Variants in PROM1 observed in about 807,000 individuals in gnomAD.
PROM1 encodes the protein prominin-1.
PROM1 carries 105 observed loss-of-function variants against 116.9 expected under a neutral mutation model. The ratio of observed to expected loss-of-function variants is 0.90; its 90% CI spans 0.77 to 1.06. PROM1 has a LOEUF of 1.06. Among genes scored for constraint, PROM1 ranks in the 50% least tolerant of loss-of-function variants. The pLI, the probability that PROM1 is intolerant of heterozygous loss-of-function variation, is 0.00. For synonymous variants in PROM1, 393 were observed against 387.0 expected, an observed-to-expected ratio of 1.02 and a Z score of -0.18; for missense variants, 1,122 against 1,045.2, an observed-to-expected ratio of 1.07 and a Z score of -1.01.
intron 11 of PROM1, among the ~76,000 whole-genome samples, chr4:16,009,418 G>A (rs1328987281): frequency 6.6e-6 from 1 of 152,158 alleles, no homozygotes; most frequent in Non-Finnish European, 1.5e-5. Flanking sequence ...CAGACTACGT[G>A]CCAGGCACTT....
chr4:16,066,096 C>G (rs1741466523), intron 2 of PROM1, among the ~76,000 whole-genome samples: 1 of 152,120 alleles, frequency 6.6e-6, no homozygotes, highest in South Asian at 2.1e-4. Context: ...GGAGCGTGGC[C>G]CTGCCCACAC....
In PROM1 at chr4:16,024,315, T is replaced by C. The variant is rs779174481; in HGVS notation, c.674A>G (p.Lys225Arg). The part of the protein sequence containing the change: ...ILAQYNTTKD[K>R]AFTDLNSINS... ...CTCACTGTTCAGATCTGTGAACGCC[T>C]TGTCCTTGGTAGTGTTGTACTGGGC... The change falls in exon 7 of 28, where the codon AAG (lysine) becomes AGG (arginine). Residue 225 changes from lysine (K) to arginine (R), a missense_variant. By Grantham distance (26) the Lys-to-Arg change is conservative (BLOSUM62 2). Coordinates refer to ENST00000447510, the MANE Select transcript of PROM1 (RefSeq NM_006017.3). The C allele has an allele frequency of 1.4e-5, 23 of 1,613,560 alleles. No homozygotes were observed. In the South Asian group the frequency reaches 2.5e-4, roughly 18 times the overall value.
intron 2 of PROM1, among the ~76,000 whole-genome samples, chr4:16,055,028 A>T (rs1157601100): frequency 1.3e-5 from 2 of 152,188 alleles, no homozygotes; most frequent in Non-Finnish European, 2.9e-5. Flanking sequence ...ACTCTGCTAG[A>T]GAGACTGTTC....
chr4:16,073,579 A>G lies in PROM1; in HGVS notation c.220+2108T>C, dbSNP rs180704280. ...AGATTCATCTGTTAAACTCAATATT[A>G]TATTACTTAAGCAACCTAATAATTT... On this transcript the variant is annotated intron_variant, in intron 2 of 27. Transcript: ENST00000447510. 1.0e-3 allele frequency among the ~76,000 whole-genome samples: 158 copies of G among 152,320 alleles called. 2 individuals are homozygous for G. The highest frequency in any genetic ancestry group is 1.9e-3 in the Non-Finnish European group (126 of 68,016).
chr4:16,027,297 AACACACACACAC>A (rs144910885), intron 5 of PROM1, among the ~76,000 whole-genome samples: 1 of 147,128 alleles, frequency 6.8e-6, no homozygotes, highest in East Asian at 2.0e-4. Context: ...GTGAAGAAGA[AACACACACACAC>A]ACACACACAC....
At position 15,985,997 on chromosome 4, in the gene PROM1, T is replaced by C; in HGVS notation, c.2171A>G (p.Gln724Arg). Reference protein sequence around the residue: ...TRILASLDFAQNFITNNTSSV... With the variant: ...TRILASLDFARNFITNNTSSV... ...GGAAGTATTGTTTGTGATGAAGTTCTGAGCAAAATCCAGAGAAGCTAGAAT... is the reference window on the plus strand; with the variant it reads ...GGAAGTATTGTTTGTGATGAAGTTCCGAGCAAAATCCAGAGAAGCTAGAAT... Residue 724 changes from glutamine (Q) to arginine (R), a missense_variant, in exon 21 of 28, where the codon CAG (glutamine) becomes CGG (arginine). Coordinates refer to ENST00000447510, the MANE Select transcript of PROM1 (RefSeq NM_006017.3). 6.7e-7 allele frequency: 1 copy of C among 1,482,484 alleles called. No homozygotes were observed. The allele number at this position is 1,482,484 out of a possible 1,614,324, so 91.8% of individuals were successfully genotyped here. A position where few individuals can be genotyped will look rare whatever the true frequency, so the allele number is the denominator to read the frequency against.
chr4:16,023,542 T>C (rs2149332900), intron 7 of PROM1, 127 bp from the exon 8 acceptor site: 2 of 691,490 alleles, frequency 2.9e-6, no homozygotes, highest in Non-Finnish European at 4.9e-6. Context: ...GGACCCTGTC[T>C]AGGGGTTAAA....
At chr4:16,079,123 A>T (rs1744528963) in intron 1 of PROM1, among the ~76,000 whole-genome samples, 2 of 152,124 alleles carry the variant, frequency 1.3e-5, no homozygotes. Flanking sequence ...GCAGAGAGCT[A>T]AGCCTCCAGC....
At chr4:16,044,849 G>A (rs974583661) in intron 2 of PROM1, among the ~76,000 whole-genome samples, 5 of 152,034 alleles carry the variant, frequency 3.3e-5, no homozygotes, top group African/African-American at 1.2e-4. Flanking sequence ...GGGGAAGTAG[G>A]CAAACCAAGT....
At chr4:15,977,859 A>C (rs112349266) in intron 26 of PROM1, among the ~76,000 whole-genome samples, 1 of 152,194 alleles carries the variant, frequency 6.6e-6, no homozygotes, top group Admixed American at 6.5e-5. Flanking sequence ...CGGCTTCCCA[A>C]TGTGCTGGGA....
chr4:16,053,714 C>T (rs1195861254), intron 2 of PROM1, among the ~76,000 whole-genome samples: 1 of 152,116 alleles, frequency 6.6e-6, no homozygotes, highest in Admixed American at 6.5e-5. Context: ...TATGATAAAA[C>T]CAAATAATTT....
intron 26 of PROM1, among the ~76,000 whole-genome samples, chr4:15,974,604 AG>A (rs1363317392): frequency 3.3e-5 from 5 of 152,186 alleles, no homozygotes; most frequent in African/African-American, 1.2e-4. Context: ...CCTGGTTTGC[AG>A]AAGGCTTTTC....
At chr4:16,041,958 G>A (rs1299907950) in intron 2 of PROM1, among the ~76,000 whole-genome samples, 2 of 151,730 alleles carry the variant, frequency 1.3e-5, no homozygotes, top group Non-Finnish European at 2.9e-5. Flanking sequence ...ACAAGTGCAC[G>A]CCACCATGCA....
intron 2 of PROM1, among the ~76,000 whole-genome samples, chr4:16,068,341 T>C (rs977691458): frequency 6.6e-6 from 1 of 152,180 alleles, no homozygotes; most frequent in Non-Finnish European, 1.5e-5. Context: ...GGAAACTGAG[T>C]TGTTATCTGG....
At chr4:16,023,011 C>A (rs935478356) in intron 8 of PROM1, among the ~76,000 whole-genome samples, 1 of 152,084 alleles carries the variant, frequency 6.6e-6, no homozygotes, top group Non-Finnish European at 1.5e-5. Flanking sequence ...CATCATAGCA[C>A]GAAAACGGCC....
intron 23 of PROM1, among the ~76,000 whole-genome samples, chr4:15,983,136 A>T (rs1718388733): frequency 6.6e-6 from 1 of 152,230 alleles, no homozygotes; most frequent in Non-Finnish European, 1.5e-5. Context: ...CAGCAATAAC[A>T]TCTCTAAAGG....
intron 8 of PROM1, among the ~76,000 whole-genome samples, chr4:16,020,158 C>T (rs1416830458): frequency 6.6e-6 from 1 of 152,164 alleles, no homozygotes; most frequent in African/African-American, 2.4e-5. Context: ...GATACTGCAA[C>T]CTAGCTTTGA....
intron 5 of PROM1, among the ~76,000 whole-genome samples, chr4:16,028,639 C>CA (rs961054979): frequency 2.0e-4 from 30 of 150,774 alleles, no homozygotes; most frequent in South Asian, 1.3e-3. Flanking sequence ...TATTTTTTAG[C>CA]AAAAAAAAGG....
chr4:16,027,297 A>AACACACACACACACACACAC lies in PROM1; in HGVS notation c.510-2005_510-1986dup, dbSNP rs144910885. 6.4e-3 allele frequency among the ~76,000 whole-genome samples: 939 copies of AACACACACACACACACACAC among 147,194 alleles called. 20 individuals carry two copies. Among genetic ancestry groups the AACACACACACACACACACAC allele is most frequent in the East Asian group, 0.03 (150 of 4,960 alleles). The stretch of plus-strand genomic sequence containing the variant: ...TGATTTTGGAGTTTTGTGAAGAAGA[A>AACACACACACACACACACAC]ACACACACACACACACACACACACA... On this transcript the variant is annotated intron_variant, in intron 5 of 27. Transcript: ENST00000447510.
Sources: allele counts gnomAD v4.1 joint callset (sites outside exome capture counted in the v4.1 genomes callset), GRCh38; gene constraint gnomAD v4.1.1; transcripts MANE v1.5; gene names NCBI Gene and HGNC (gene_info 2026-07-23, HGNC 2026-07-21).